Variants in SETBP1 observed in about 807,000 individuals in gnomAD.
SETBP1 encodes SET binding protein 1, also known as SET-binding protein.
In SETBP1, 9 loss-of-function variants were observed where a neutral mutation model predicts 101.0. The observed-to-expected ratio is 0.09, with a 90% CI of 0.05 to 0.16. The LOEUF is 0.16. Among genes scored for constraint, SETBP1 ranks in the 10% least tolerant of loss-of-function variants. SETBP1 has a pLI of 1.00. For missense variants in SETBP1, 1,858 were observed against 2,033.8 expected (o/e 0.91, Z 1.66); for synonymous variants, 818 against 788.5 (o/e 1.04, Z -0.63).
chr18:44,865,751 C>T (rs2069114587), intron 2 of SETBP1, among the ~76,000 whole-genome samples: 1 of 10,698 alleles, frequency 9.3e-5, no homozygotes, highest in African/African-American at 4.4e-4. Context: ...CCAGAAAAGC[C>T]AGAAAGGCAA....
intron 4 of SETBP1, among the ~76,000 whole-genome samples, chr18:44,967,144 T>A (rs1377552853): frequency 6.6e-6 from 1 of 152,222 alleles, no homozygotes; most frequent in Non-Finnish European, 1.5e-5. Context: ...AGAAATTAGC[T>A]GGACCACAGT....
At chr18:44,894,255 C>T (rs1450019043) in intron 3 of SETBP1, among the ~76,000 whole-genome samples, 1 of 152,126 alleles carries the variant, frequency 6.6e-6, no homozygotes, top group Non-Finnish European at 1.5e-5. Flanking sequence ...CTGAGTGAAT[C>T]TTGGCAAAAT....
chr18:45,011,415 G>A (rs1273822721), intron 4 of SETBP1, among the ~76,000 whole-genome samples: 3 of 152,210 alleles, frequency 2.0e-5, no homozygotes, highest in African/African-American at 7.2e-5. Flanking sequence ...CCATCTTATA[G>A]CAAGGGTGCA....
At chr18:44,928,741 T>A (rs1179443917) in intron 3 of SETBP1, among the ~76,000 whole-genome samples, 2 of 152,238 alleles carry the variant, frequency 1.3e-5, no homozygotes, top group Admixed American at 6.5e-5. Flanking sequence ...TTGAGAAGTG[T>A]CTGTTCATAG....
intron 5 of SETBP1, among the ~76,000 whole-genome samples, chr18:45,045,495 G>A (rs1304763109): frequency 6.6e-6 from 1 of 151,132 alleles, no homozygotes; most frequent in Non-Finnish European, 1.5e-5. Context: ...GCCGAACAAG[G>A]GCACATTTTC....
chr18:44,688,087 T>A (rs1442489430), intron 1 of SETBP1, among the ~76,000 whole-genome samples: 1 of 152,144 alleles, frequency 6.6e-6, no homozygotes, highest in Non-Finnish European at 1.5e-5. Flanking sequence ...GCATACTGGT[T>A]GGATATTTAG....
At chr18:45,013,110 T>G (rs1030142206) in intron 4 of SETBP1, among the ~76,000 whole-genome samples, 6 of 152,232 alleles carry the variant, frequency 3.9e-5, no homozygotes, top group African/African-American at 1.4e-4. Context: ...AACTCCAGGT[T>G]GAGCCCCGTG....
intron 3 of SETBP1, among the ~76,000 whole-genome samples, chr18:44,902,104 A>G (rs1424564901): frequency 1.3e-5 from 2 of 152,196 alleles, no homozygotes; most frequent in African/African-American, 4.8e-5. Context: ...GGGTCACACT[A>G]GCCACATTTC....
rs2073931588 is a variant in SETBP1, at chr18:45,063,765, C to CG, written c.*72dup. ...ACGTGGGAAGCGCAGTGAGCCGGGG[C>CG]GGGGGCGGAATCCCCCGCTGCAGGG... On this transcript the variant is annotated 3_prime_UTR_variant, in exon 6 of 6. Coordinates refer to ENST00000649279, the MANE Select transcript of SETBP1 (RefSeq NM_015559.3). 2.6e-6 allele frequency: 4 copies of CG among 1,528,990 alleles called. No homozygotes were observed. Among genetic ancestry groups the CG allele is most frequent in the Middle Eastern group, 4.1e-4 (2 of 4,858 alleles). The allele number at this position is 1,528,990 out of a possible 1,614,324, so 94.7% of individuals were successfully genotyped here.
chr18:44,913,561 G>A (rs2070361852), intron 3 of SETBP1, among the ~76,000 whole-genome samples: 1 of 152,222 alleles, frequency 6.6e-6, no homozygotes, highest in Non-Finnish European at 1.5e-5. Context: ...TGTAGGGCAC[G>A]AAGGGCCTGG....
chr18:44,910,859 C>T (rs558621080), intron 3 of SETBP1, among the ~76,000 whole-genome samples: 9 of 152,236 alleles, frequency 5.9e-5, no homozygotes, highest in South Asian at 4.1e-4. Flanking sequence ...TTCAAGTGTA[C>T]AGGCCTCTGG....
rs565590177 is a variant in SETBP1 at position 45,063,751 on chromosome 18, G to C, written c.*53G>C. 1.9e-6 allele frequency: 3 copies of C among 1,562,126 alleles called. No individual in the cohort carries two copies. The African/African-American group carries it at 4.1e-5, about 21-fold the overall frequency. On this transcript the variant is annotated 3_prime_UTR_variant, in exon 6 of 6. Coordinates refer to ENST00000649279, the MANE Select transcript of SETBP1 (RefSeq NM_015559.3). ...CCTAGGGAACTGACACGTGGGAAGC[G>C]CAGTGAGCCGGGGCGGGGGCGGAAT...
intron 4 of SETBP1, among the ~76,000 whole-genome samples, chr18:44,976,852 G>A (rs2071999256): frequency 6.6e-6 from 1 of 152,176 alleles, no homozygotes; most frequent in Non-Finnish European, 1.5e-5. Flanking sequence ...TGGCATATAG[G>A]AAGTGCTCAA....
chr18:44,920,349 C>A (rs1749716271), intron 3 of SETBP1, among the ~76,000 whole-genome samples: 1 of 152,182 alleles, frequency 6.6e-6, no homozygotes, highest in African/African-American at 2.4e-5. Flanking sequence ...GGAACAAAAG[C>A]ATTTAAACCA....
chr18:44,915,178 A>G (rs891275916), intron 3 of SETBP1, among the ~76,000 whole-genome samples: 4 of 152,150 alleles, frequency 2.6e-5, no homozygotes, highest in African/African-American at 7.2e-5. Context: ...TCACAGGGAA[A>G]CCTTTGCTCA....
chr18:44,904,832 A>T (rs1168091969), intron 3 of SETBP1, among the ~76,000 whole-genome samples: 1 of 152,162 alleles, frequency 6.6e-6, no homozygotes, highest in East Asian at 1.9e-4. Flanking sequence ...GGAAAATGGG[A>T]GCATGATAGA....
intron 2 of SETBP1, among the ~76,000 whole-genome samples, chr18:44,767,585 A>G (rs1335740758): frequency 6.6e-6 from 1 of 152,196 alleles, no homozygotes; most frequent in African/African-American, 2.4e-5. Context: ...AAAAAAGATT[A>G]AACAGGTTAG....
In SETBP1 at chr18:44,887,424, T is replaced by C. The variant is rs144012960; in HGVS notation, c.540+18141T>C. ...AGTCCCCAGTTGCCTGGTTGGCACATTGTTCCAGCCAACCAGGTATTTACA... is the reference window on the plus strand; with the variant it reads ...AGTCCCCAGTTGCCTGGTTGGCACACTGTTCCAGCCAACCAGGTATTTACA... On this transcript the variant is annotated intron_variant, in intron 3 of 5. Transcript: ENST00000649279. 3.9e-3 allele frequency among the ~76,000 whole-genome samples: 595 copies of C among 152,276 alleles called. 1 individual carries two copies. Among genetic ancestry groups the C allele is most frequent in the Non-Finnish European group, 5.8e-3 (392 of 68,006 alleles).
At chr18:44,693,193 C>T (rs925385306) in intron 1 of SETBP1, among the ~76,000 whole-genome samples, 1 of 152,128 alleles carries the variant, frequency 6.6e-6, no homozygotes, top group Admixed American at 6.5e-5. Flanking sequence ...TAGTTATAGG[C>T]AGCTGAGTCA....
Sources: allele counts gnomAD v4.1 joint callset (sites outside exome capture counted in the v4.1 genomes callset), GRCh38; gene constraint gnomAD v4.1.1; transcripts MANE v1.5; gene names NCBI Gene and HGNC (gene_info 2026-07-23, HGNC 2026-07-21).